GKAP1: variants seen among roughly 807,000 people sequenced by gnomAD.
The protein encoded by GKAP1 is G kinase anchoring protein 1.
A neutral mutation model predicts 56.7 loss-of-function variants in GKAP1; 31 were observed. The observed-to-expected ratio is 0.55, with a 90% CI of 0.41 to 0.74. The LOEUF (loss-of-function observed/expected upper bound fraction) is 0.74. Among genes scored for constraint, GKAP1 ranks in the 30% least tolerant of loss-of-function variants. The pLI, the probability that GKAP1 is intolerant of heterozygous loss-of-function variation, is 0.00. For synonymous variants in GKAP1, 151 were observed against 138.6 expected (o/e 1.09, Z -0.63); for missense variants, 364 against 402.3 (o/e 0.90, Z 0.82).
intron 12 of GKAP1, among the ~76,000 whole-genome samples, chr9:83,741,360 TCACACACA>T (rs35325635): frequency 2.3e-4 from 11 of 48,568 alleles, no homozygotes; most frequent in Admixed American, 7.1e-4. Flanking sequence ...AATATATCTC[TCACACACA>T]CACACACACA....
At chr9:83,772,574 C>T (rs1943780491) in intron 7 of GKAP1, among the ~76,000 whole-genome samples, 1 of 152,024 alleles carries the variant, frequency 6.6e-6, no homozygotes, top group Non-Finnish European at 1.5e-5. Context: ...TTTTGTGCTT[C>T]AAAAGACACA....
chr9:83,764,982 C>T (rs936876789), intron 8 of GKAP1, among the ~76,000 whole-genome samples: 20 of 152,214 alleles, frequency 1.3e-4, no homozygotes, highest in African/African-American at 4.1e-4. Flanking sequence ...CAGCCAAATG[C>T]TAATCACCAA....
intron 2 of GKAP1, among the ~76,000 whole-genome samples, chr9:83,812,911 G>A (rs565025031): frequency 7.9e-5 from 12 of 152,072 alleles, no homozygotes; most frequent in East Asian, 1.9e-4. Context: ...CACTACCCTC[G>A]TTAACTAATT....
At chr9:83,788,564 A>G (rs756447156) in intron 5 of GKAP1, 37 bp downstream of exon 5, 5 of 1,231,562 alleles carry the variant, frequency 4.1e-6, no homozygotes, top group African/African-American at 1.5e-5. Flanking sequence ...CACCACTTAA[A>G]CTTCTAAAAT....
At chr9:83,748,462 G>C (rs144989367) in intron 9 of GKAP1, 90 bp from the exon 10 acceptor site, 1 of 698,334 alleles carries the variant, frequency 1.4e-6, no homozygotes, top group East Asian at 2.8e-5. Context: ...CTGAATTCTT[G>C]GCTTGCTCAA....
chr9:83,776,312 G>A (rs1449828224), intron 7 of GKAP1, among the ~76,000 whole-genome samples: 1 of 152,018 alleles, frequency 6.6e-6, no homozygotes, highest in Admixed American at 6.6e-5. Flanking sequence ...TGAATCTTTA[G>A]GTAAAACCAG....
At position 83,765,480 on chromosome 9, in the gene GKAP1, T is replaced by C. The variant is rs112263727; in HGVS notation, c.738+3338A>G. 6.6e-5 allele frequency among the ~76,000 whole-genome samples: 10 copies of C among 152,282 alleles called. 1 individual carries two copies. The highest frequency in any genetic ancestry group is 2.4e-4 in the African/African-American group (10 of 41,572). The stretch of plus-strand genomic sequence containing the variant: ...GAGCTATGAGAAGGAACCACTGTCC[T>C]CCAGCCCCCAGAATGGTAGATCCAC... On this transcript the variant is annotated intron_variant, in intron 8 of 12. Transcript: ENST00000376371.
chr9:83,772,246 T>G (rs1157372509), intron 7 of GKAP1, among the ~76,000 whole-genome samples: 1 of 152,170 alleles, frequency 6.6e-6, no homozygotes, highest in African/African-American at 2.4e-5. Context: ...TATGTAAGTA[T>G]AGACATACAG....
intron 2 of GKAP1, among the ~76,000 whole-genome samples, chr9:83,807,328 A>G (rs1008328031): frequency 2.0e-5 from 3 of 152,210 alleles, no homozygotes; most frequent in African/African-American, 7.2e-5. Flanking sequence ...TCTGGAAGTT[A>G]GCGGCTGAGT....
intron 10 of GKAP1, among the ~76,000 whole-genome samples, chr9:83,746,360 G>A (rs1943293826): frequency 6.6e-6 from 1 of 152,142 alleles, no homozygotes; most frequent in East Asian, 1.9e-4. Flanking sequence ...ATAAAATGGT[G>A]TATATTTGCA....
chr9:83,814,178 CA>C (rs941842964), intron 2 of GKAP1, among the ~76,000 whole-genome samples: 2 of 152,114 alleles, frequency 1.3e-5, no homozygotes, highest in African/African-American at 4.8e-5. Flanking sequence ...ACTTCATACC[CA>C]AAAAGCCAAT....
intron 8 of GKAP1, among the ~76,000 whole-genome samples, chr9:83,756,047 C>G (rs969149022): frequency 6.6e-6 from 1 of 152,066 alleles, no homozygotes; most frequent in Non-Finnish European, 1.5e-5. Flanking sequence ...TCAGGCGATC[C>G]ACCTGCCTTG....
intron 4 of GKAP1, among the ~76,000 whole-genome samples, chr9:83,790,029 G>A (rs7848686): frequency 0.56 from 85,722 of 151,932 alleles, 24,782 homozygotes; most frequent in Admixed American, 0.7. Flanking sequence ...TCTGTTTCAA[G>A]GAGAAACCTT....
At chr9:83,783,223 T>A (rs980524067) in intron 6 of GKAP1, among the ~76,000 whole-genome samples, 4 of 152,230 alleles carry the variant, frequency 2.6e-5, no homozygotes, top group Non-Finnish European at 1.5e-5. Context: ...TGAATTCATA[T>A]GAGTCAAATA....
intron 7 of GKAP1, among the ~76,000 whole-genome samples, chr9:83,775,123 C>T (rs773874118): frequency 2.0e-5 from 3 of 151,762 alleles, no homozygotes; most frequent in African/African-American, 7.3e-5. Flanking sequence ...CCTGCCTCAG[C>T]ATCCAGAGTA....
chr9:83,812,472 A>C (rs1015217123), intron 2 of GKAP1, among the ~76,000 whole-genome samples: 1 of 151,054 alleles, frequency 6.6e-6, no homozygotes, highest in Non-Finnish European at 1.5e-5. Flanking sequence ...CTCGGCCTCC[A>C]GAGTAGCTGG....
At chr9:83,742,664 C>A in intron 10 of GKAP1, 64 bp from the exon 11 acceptor site, 1 of 991,548 alleles carries the variant, frequency 1.0e-6, no homozygotes, top group Admixed American at 1.8e-5. Flanking sequence ...AACAATACTT[C>A]AGGGAACTAA....
chr9:83,770,058 GT>G (rs1943731344), intron 7 of GKAP1, among the ~76,000 whole-genome samples: 1 of 151,878 alleles, frequency 6.6e-6, no homozygotes, highest in South Asian at 2.1e-4. Context: ...TGGGTTACTT[GT>G]TTTTTTGAGT....
chr9:83,787,117 C>T (rs769750903), intron 5 of GKAP1, among the ~76,000 whole-genome samples: 4 of 152,146 alleles, frequency 2.6e-5, no homozygotes, highest in Non-Finnish European at 4.4e-5. Context: ...GTTCATTCTT[C>T]GTTATTTGAG....
Sources: allele counts gnomAD v4.1 joint callset (sites outside exome capture counted in the v4.1 genomes callset), GRCh38; gene constraint gnomAD v4.1.1; transcripts MANE v1.5; gene names NCBI Gene and HGNC (gene_info 2026-07-23, HGNC 2026-07-21).